LIPT1: variants seen among roughly 807,000 people sequenced by gnomAD.
The protein encoded by LIPT1 is lipoyltransferase 1.
LIPT1 carries 22 observed loss-of-function variants against 25.1 expected under a neutral mutation model. The ratio of observed to expected loss-of-function variants is 0.88; its 90% CI spans 0.63 to 1.25. The LOEUF is 1.25. LIPT1 is among the 50% of genes most tolerant of loss of function. The pLI is 0.00. For synonymous variants in LIPT1, 131 were observed against 150.8 expected (o/e 0.87, Z 0.96); for missense variants, 399 against 432.8 (o/e 0.92, Z 0.69).
chr2:99,162,821 A>C lies in LIPT1; in HGVS notation c.864A>C (p.Leu288Phe). 2 of 1,614,048 alleles carry C rather than the reference A, an allele frequency of 1.2e-6. No individual in the cohort carries two copies. The highest frequency in any genetic ancestry group is 1.7e-6 in the Non-Finnish European group (2 of 1,179,904). ...GTATAAATACTTCCTTTCATGTGTTATATGAACAGTCACACTTGGAAATTA... is the reference window on the plus strand; with the variant it reads ...GTATAAATACTTCCTTTCATGTGTTCTATGAACAGTCACACTTGGAAATTA... ...KFSINTSFHVLYEQSHLEIKV... is the reference protein window; with the variant it reads ...KFSINTSFHVFYEQSHLEIKV... The change falls in exon 2 of 2, where the codon TTA (leucine) becomes TTC (phenylalanine). Residue 288 changes from leucine (L) to phenylalanine (F), a missense_variant. Leu to Phe is a conservative substitution (Grantham distance 22). Coordinates refer to ENST00000651691, the MANE Select transcript of LIPT1 (RefSeq NM_145199.3).
rs2093801193 is a variant in LIPT1, at chr2:99,162,360, AG to A, written c.404del (p.Arg135LysfsTer3). ...DRMENLKLIV[R>X]ALNAVQPQLD... ...AATGGAAAATCTGAAATTAATTGTG[AG>A]AGCTCTGAATGCTGTCCAACCCCAG... is the stretch of plus-strand genomic sequence containing the variant. On this transcript the variant is annotated frameshift_variant, in exon 2 of 2. Transcript: ENST00000651691. LOFTEE classifies it high-confidence loss of function. 1.2e-6 allele frequency: 2 copies of A among 1,613,956 alleles called. No individual in the cohort carries two copies. Among genetic ancestry groups the A allele is most frequent in the Non-Finnish European group, 8.5e-7 (1 of 1,180,006 alleles).
intron 1 of LIPT1, among the ~76,000 whole-genome samples, chr2:99,155,962 A>T (rs1225659203): frequency 6.6e-6 from 1 of 152,232 alleles, no homozygotes; most frequent in African/African-American, 2.4e-5. Flanking sequence ...GAATAATTGC[A>T]CAGGCTCATC....
chr2:99,158,559 A>G (rs1450928600), intron 1 of LIPT1, among the ~76,000 whole-genome samples: 1 of 152,186 alleles, frequency 6.6e-6, no homozygotes, highest in East Asian at 1.9e-4. Flanking sequence ...ATCCTGGGCA[A>G]TAAAGTTCAA....
chr2:99,161,321 T>A (rs2093790283), intron 1 of LIPT1: 1 of 99,642 alleles, frequency 1.0e-5, no homozygotes, highest in African/African-American at 4.2e-5. Context: ...TATATATATA[T>A]ATATATATAT....
chr2:99,155,033 G>A lies in LIPT1; in HGVS notation c.-20G>A, dbSNP rs904387909. On this transcript the variant is annotated 5_prime_UTR_variant, in exon 1 of 2. Transcript: ENST00000651691. ...AGCTCGAGCCCTCACGAGGCCGTGG[G>A]TACGACCGGAAGCCGCAGGTGGGTG... 3 of 455,758 alleles carry A rather than the reference G, an allele frequency of 6.6e-6. No individual in the cohort carries two copies. The highest frequency in any genetic ancestry group is 1.3e-5 in the Non-Finnish European group (3 of 226,736). The allele number at this position is 455,758 out of a possible 1,614,324, so 28.2% of individuals were successfully genotyped here.
At chr2:99,155,206 C>T (rs1333165760) in intron 1 of LIPT1, 155 bp downstream of exon 1, 3 of 384,340 alleles carry the variant, frequency 7.8e-6, no homozygotes, top group South Asian at 1.9e-5. Context: ...ACACTTTCTC[C>T]TCAGCACTTG....
chr2:99,160,999 C>T (rs1484675669), intron 1 of LIPT1, among the ~76,000 whole-genome samples: 2 of 151,824 alleles, frequency 1.3e-5, no homozygotes, highest in African/African-American at 2.4e-5. Context: ...CGCGGTGGCT[C>T]ATGCCTGTAA....
intron 1 of LIPT1, chr2:99,155,624 A>G (rs1051260182): frequency 1.4e-5 from 6 of 439,856 alleles, no homozygotes; most frequent in Non-Finnish European, 2.3e-5. Context: ...GTGATTTTGA[A>G]GGAACAAAAT....
intron 1 of LIPT1, among the ~76,000 whole-genome samples, chr2:99,158,187 G>C (rs1052220635): frequency 6.6e-6 from 1 of 152,138 alleles, no homozygotes; most frequent in African/African-American, 2.4e-5. Context: ...ACTCTGGTTT[G>C]AGCTTGTAAT....
rs562596086 is a variant in LIPT1 at position 99,155,097 on chromosome 2, G to T, written c.-2+46G>T. On this transcript the variant is annotated intron_variant, in intron 1 of 1. Transcript: ENST00000651691. Reference sequence around the variant, plus strand: ...TCAAACCGGGATGTTGCGGGCCGTAGCGCGTGGGCGGCCGTGGGGTCTTGG... The same window carrying T: ...TCAAACCGGGATGTTGCGGGCCGTATCGCGTGGGCGGCCGTGGGGTCTTGG... 8 of 453,794 alleles carry T rather than the reference G, an allele frequency of 1.8e-5. No homozygotes were observed. The Admixed American group carries it at 1.9e-4, about 11-fold the overall frequency. 28.1% of individuals were successfully genotyped at this position (453,794 alleles called of 1,614,324 possible). A position where few individuals can be genotyped will look rare whatever the true frequency, so the allele number is the denominator to read the frequency against.
In LIPT1 at chr2:99,161,991, C is replaced by T; in HGVS notation, c.34C>T (p.Gln12Ter). The T allele has an allele frequency of 9.3e-6, 15 of 1,608,828 alleles. No individual in the cohort carries two copies. The highest frequency in any genetic ancestry group is 1.3e-5 in the Non-Finnish European group (15 of 1,176,732). Residue 12 changes from glutamine (Q) to a stop codon, truncating the protein, a stop_gained, in exon 2 of 2, where the codon CAG becomes TAG. Coordinates refer to ENST00000651691, the MANE Select transcript of LIPT1 (RefSeq NM_145199.3). LOFTEE classifies it high-confidence loss of function. ...CCCATTTTCAATGAAGAATTGCTTC[C>T]AGTTACTTTGTAACTGCCAGGTCCC... Reference protein sequence around the residue: ...LIPFSMKNCFQLLCNCQVPAA... With the variant: ...LIPFSMKNCF
intron 1 of LIPT1, among the ~76,000 whole-genome samples, chr2:99,156,047 T>G (rs998648043): frequency 2.0e-5 from 3 of 152,234 alleles, no homozygotes; most frequent in African/African-American, 7.2e-5. Flanking sequence ...TGGACATCCC[T>G]TTGTTTTCAC....
Position 99,163,113 on chromosome 2 carries a change from G to A in LIPT1, c.*34G>A. On this transcript the variant is annotated 3_prime_UTR_variant, in exon 2 of 2. Transcript: ENST00000651691. ...AAATGTCTTAATACAGTTTCAATTAGAAAATAAAATGTCTCATACTTGCAC... is the reference window on the plus strand; with the variant it reads ...AAATGTCTTAATACAGTTTCAATTAAAAAATAAAATGTCTCATACTTGCAC... The A allele has an allele frequency of 5.4e-5, 70 of 1,286,764 alleles. No homozygotes were observed. The highest frequency in any genetic ancestry group is 3.4e-4 in the South Asian group (16 of 46,594). The allele number at this position is 1,286,764 out of a possible 1,614,324, so 79.7% of individuals were successfully genotyped here.
chr2:99,161,770 CT>C, intron 1 of LIPT1, 186 bp from the exon 2 acceptor site: 1 of 474,292 alleles, frequency 2.1e-6, no homozygotes, highest in Non-Finnish European at 3.7e-6. Context: ...TGAAATTTGT[CT>C]TCATTTATTT....
At chr2:99,160,813 A>G (rs1159802753) in intron 1 of LIPT1, among the ~76,000 whole-genome samples, 1 of 152,230 alleles carries the variant, frequency 6.6e-6, no homozygotes, top group Admixed American at 6.5e-5. Flanking sequence ...AATTATTTTT[A>G]AAGTGTTATA....
Position 99,162,917 on chromosome 2 carries a change from A to G in LIPT1, c.960A>G (p.Pro320=), listed in dbSNP as rs747005306. ...TTGAAGCACCTGATCATTGGTTGCC[A>G]TTGGAAATACGTGACAAATTAAATT... The part of the protein sequence containing the change: ...CNIEAPDHWL[P]LEIRDKLNSS... Residue 320 remains proline (P), a synonymous_variant, in exon 2 of 2, where the codon CCA becomes CCG. Transcript: ENST00000651691. The G allele has an allele frequency of 6.2e-6, 10 of 1,613,756 alleles. No homozygotes were observed. In the East Asian group the frequency reaches 2.0e-4, roughly 32 times the overall value.
At chr2:99,155,111 GT>G (rs1304187095) in intron 1 of LIPT1, 60 bp downstream of exon 1, 1 of 452,462 alleles carries the variant, frequency 2.2e-6, no homozygotes, top group African/African-American at 2.0e-5. Context: ...GTGGGCGGCC[GT>G]GGGGTCTTGG....
chr2:99,162,116 C>T lies in LIPT1; in HGVS notation c.159C>T (p.Asp53=), dbSNP rs141490167. The T allele has an allele frequency of 4.2e-5, 67 of 1,613,824 alleles. No individual in the cohort carries two copies. Among genetic ancestry groups the T allele is most frequent in the Non-Finnish European group, 5.0e-5 (59 of 1,179,950 alleles). The stretch of plus-strand genomic sequence containing the variant: ...TGGCTGTGGAAGACTGGATCCATGA[C>T]CATATGAATCTAGAAGGCAAACCAA... ...QNLAVEDWIH[D]HMNLEGKPIL... Residue 53 remains aspartate (D), a synonymous_variant, in exon 2 of 2, where the codon GAC becomes GAT. Coordinates refer to ENST00000651691, the MANE Select transcript of LIPT1 (RefSeq NM_145199.3).
Position 99,163,019 on chromosome 2 carries a change from A to G in LIPT1, c.1062A>G (p.Gln354=), listed in dbSNP as rs781110766. 2 of 1,603,872 alleles carry G rather than the reference A, an allele frequency of 1.2e-6. No homozygotes were observed. The highest frequency in any genetic ancestry group is 1.3e-5 in the African/African-American group (1 of 74,414). The change falls in exon 2 of 2, where the codon CAA becomes CAG. Residue 354 remains glutamine, a synonymous_variant. Coordinates refer to ENST00000651691, the MANE Select transcript of LIPT1 (RefSeq NM_145199.3). The stretch of plus-strand genomic sequence containing the variant: ...ATATATTACTTAGAACATGTCCACA[A>G]GACCACAAACTAAACAGTAAATGGA... ...LTNILLRTCP[Q]DHKLNSKWNI...
Sources: allele counts gnomAD v4.1 joint callset (sites outside exome capture counted in the v4.1 genomes callset), GRCh38; gene constraint gnomAD v4.1.1; transcripts MANE v1.5; gene names NCBI Gene and HGNC (gene_info 2026-07-23, HGNC 2026-07-21).